Variants in GRID2 observed in about 807,000 individuals in gnomAD.
GRID2 encodes glutamate receptor ionotropic, delta-2.
Under a neutral mutation model 114.8 loss-of-function variants are expected in GRID2, and 33 were observed. The observed-to-expected ratio is 0.29, with a 90% CI of 0.22 to 0.38. The LOEUF (loss-of-function observed/expected upper bound fraction) is 0.38, where lower values mean the gene tolerates loss of function less well. GRID2 is among the 10% of genes least tolerant of loss of function. The pLI, the probability that GRID2 is intolerant of heterozygous loss-of-function variation, is 1.00. For missense variants in GRID2, 1,184 were observed against 1,257.7 expected (o/e 0.94, Z 0.89); for synonymous variants, 505 against 449.9 (o/e 1.12, Z -1.55).
chr4:93,303,183 C>T (rs1371213964), intron 8 of GRID2, among the ~76,000 whole-genome samples: 5 of 152,122 alleles, frequency 3.3e-5, no homozygotes, highest in African/African-American at 1.2e-4. Flanking sequence ...GAAATCCACC[C>T]CTATGATCCA....
intron 2 of GRID2, among the ~76,000 whole-genome samples, chr4:92,982,066 G>T (rs951099803): frequency 2.0e-5 from 3 of 148,356 alleles, no homozygotes; most frequent in African/African-American, 7.4e-5. Flanking sequence ...AAAGAAAAAG[G>T]TGACTCAGGA....
At chr4:92,472,644 G>T (rs1484363320) in intron 1 of GRID2, among the ~76,000 whole-genome samples, 1 of 151,976 alleles carries the variant, frequency 6.6e-6, no homozygotes, top group Non-Finnish European at 1.5e-5. Flanking sequence ...GGGATGTCTC[G>T]CTGTGGGTTC....
At chr4:93,646,373 T>C (rs138957517) in intron 14 of GRID2, among the ~76,000 whole-genome samples, 222 of 152,230 alleles carry the variant, frequency 1.5e-3, no homozygotes, top group African/African-American at 5.0e-3. Flanking sequence ...ATAAAAGCCC[T>C]GCATTGGGAA....
At chr4:93,265,609 C>T (rs902319888) in intron 8 of GRID2, among the ~76,000 whole-genome samples, 1 of 151,944 alleles carries the variant, frequency 6.6e-6, no homozygotes, top group Non-Finnish European at 1.5e-5. Context: ...AAATAAAGAC[C>T]CAGAACAATT....
chr4:93,241,072 T>C (rs150928418), intron 8 of GRID2, among the ~76,000 whole-genome samples: 12 of 151,860 alleles, frequency 7.9e-5, no homozygotes, highest in African/African-American at 2.6e-4. Context: ...CATGTGTCAA[T>C]AATTTTGCTT....
intron 2 of GRID2, among the ~76,000 whole-genome samples, chr4:92,704,113 T>TA (rs1201370740): frequency 6.6e-6 from 1 of 151,816 alleles, no homozygotes; most frequent in East Asian, 1.9e-4. Context: ...CGTCTCTACT[T>TA]AAAAAATACA....
chr4:93,772,638 A>C lies in GRID2; in HGVS notation c.*140A>C. On this transcript the variant is annotated 3_prime_UTR_variant, in exon 16 of 16. Coordinates refer to ENST00000282020, the MANE Select transcript of GRID2 (RefSeq NM_001510.4). ...GTAACAATTCTAGTTTTTTCCTCCCACCTTCTCCCTCTCCTCTCTCCTCTA... is the reference window on the plus strand; with the variant it reads ...GTAACAATTCTAGTTTTTTCCTCCCCCCTTCTCCCTCTCCTCTCTCCTCTA... 1 of 585,380 alleles carries C rather than the reference A, an allele frequency of 1.7e-6. No individual in the cohort carries two copies. Among genetic ancestry groups the C allele is most frequent in the Non-Finnish European group, 2.9e-6 (1 of 342,454 alleles). 36.3% of individuals were successfully genotyped at this position (585,380 alleles called of 1,614,324 possible).
intron 2 of GRID2, among the ~76,000 whole-genome samples, chr4:92,966,739 C>G (rs1207724861): frequency 6.6e-6 from 1 of 151,916 alleles, no homozygotes; most frequent in African/African-American, 2.4e-5. Flanking sequence ...ACATGTGGAA[C>G]TGAGTCATTA....
chr4:93,253,272 C>CA (rs1749190989), intron 8 of GRID2, among the ~76,000 whole-genome samples: 1 of 151,638 alleles, frequency 6.6e-6, no homozygotes, highest in African/African-American at 2.4e-5. Flanking sequence ...CAAAACAAAA[C>CA]AAAAAACTCA....
At chr4:93,063,983 A>G (rs559538129) in intron 2 of GRID2, among the ~76,000 whole-genome samples, 11 of 151,214 alleles carry the variant, frequency 7.3e-5, no homozygotes, top group Non-Finnish European at 1.2e-4. Context: ...TTTAAGTAAC[A>G]TAAGAAATAT....
At chr4:93,561,757 A>G (rs1457410612) in intron 13 of GRID2, among the ~76,000 whole-genome samples, 2 of 152,140 alleles carry the variant, frequency 1.3e-5, no homozygotes, top group African/African-American at 2.4e-5. Flanking sequence ...CTTTCCCAGA[A>G]TATCATGCAA....
chr4:92,639,844 G>A (rs1731258689), intron 2 of GRID2, among the ~76,000 whole-genome samples: 1 of 151,702 alleles, frequency 6.6e-6, no homozygotes, highest in African/African-American at 2.4e-5. Context: ...GATTACATAT[G>A]TAAAGCACTT....
intron 1 of GRID2, among the ~76,000 whole-genome samples, chr4:92,306,076 C>A (rs1337400143): frequency 6.6e-6 from 1 of 152,220 alleles, no homozygotes; most frequent in African/African-American, 2.4e-5. Flanking sequence ...GAATCTGCTG[C>A]AGGTGGCGAT....
chr4:92,750,033 G>A (rs1270560772), intron 2 of GRID2, among the ~76,000 whole-genome samples: 1 of 152,072 alleles, frequency 6.6e-6, no homozygotes, highest in Non-Finnish European at 1.5e-5. Context: ...AGCTAATTTG[G>A]TATTTTTAGT....
intron 2 of GRID2, among the ~76,000 whole-genome samples, chr4:92,693,029 A>G (rs1014652322): frequency 1.9e-4 from 28 of 150,878 alleles, no homozygotes; most frequent in South Asian, 4.2e-4. Flanking sequence ...TCAAAAAAAA[A>G]AAAAGAAAAG....
At chr4:93,080,573 A>T (rs1322908243) in intron 2 of GRID2, among the ~76,000 whole-genome samples, 1 of 152,060 alleles carries the variant, frequency 6.6e-6, no homozygotes, top group Admixed American at 6.6e-5. Flanking sequence ...AGACTTAGTC[A>T]TCTCTCTCTC....
chr4:92,795,041 G>A (rs1240175801), intron 2 of GRID2, among the ~76,000 whole-genome samples: 1 of 151,320 alleles, frequency 6.6e-6, no homozygotes, highest in African/African-American at 2.4e-5. Flanking sequence ...CATTATTAAA[G>A]TCTTCATTCT....
rs375778136 is a variant in GRID2 at position 93,702,905 on chromosome 4, A to G, written c.2361-66305A>G. Among the ~76,000 whole-genome samples, 18 of 152,256 alleles carry G rather than the reference A, an allele frequency of 1.2e-4. No homozygotes were observed. The East Asian group carries it at 3.3e-3, about 28-fold the overall frequency. ...ATTGGGAGAAGTACTATGGATAAAA[A>G]TGAAGCAAGGAGAGGAATAAAGAGT... On this transcript the variant is annotated intron_variant, in intron 14 of 15. Transcript: ENST00000282020.
chr4:93,158,691 G>T (rs558154245), intron 4 of GRID2, among the ~76,000 whole-genome samples: 2 of 151,616 alleles, frequency 1.3e-5, no homozygotes, highest in African/African-American at 2.4e-5. Context: ...TCTGGAGTTC[G>T]AGTTTGGCAA....
Sources: allele counts gnomAD v4.1 joint callset (sites outside exome capture counted in the v4.1 genomes callset), GRCh38; gene constraint gnomAD v4.1.1; transcripts MANE v1.5; gene names NCBI Gene and HGNC (gene_info 2026-07-23, HGNC 2026-07-21).